G3BP2: variants seen among roughly 807,000 people sequenced by gnomAD.
G3BP2 encodes G3BP stress granule assembly factor 2.
A neutral mutation model predicts 56.7 loss-of-function variants in G3BP2; 11 were observed. The observed-to-expected ratio is 0.19, with a 90% CI of 0.12 to 0.32. The LOEUF is 0.32. Ranked by LOEUF, G3BP2 falls within the 10% of genes least tolerant of loss-of-function variation. The pLI, the probability that G3BP2 is intolerant of heterozygous loss-of-function variation, is 1.00. For missense variants in G3BP2, 340 were observed against 610.9 expected, an observed-to-expected ratio of 0.56 and a Z score of 4.67; for synonymous variants, 165 against 191.6, an observed-to-expected ratio of 0.86 and a Z score of 1.15.
intron 3 of G3BP2, among the ~76,000 whole-genome samples, chr4:75,702,820 A>G (rs747226656): frequency 9.9e-5 from 15 of 152,216 alleles, no homozygotes; most frequent in Non-Finnish European, 2.1e-4. Context: ...AGTAAACTGC[A>G]CTATAACCAG....
intron 3 of G3BP2, among the ~76,000 whole-genome samples, chr4:75,700,081 G>A (rs543581786): frequency 2.0e-5 from 3 of 152,154 alleles, no homozygotes; most frequent in South Asian, 2.1e-4. Context: ...TTGAGGCAGA[G>A]TCTCGCTCTG....
intron 3 of G3BP2, among the ~76,000 whole-genome samples, chr4:75,692,440 T>G (rs1718898744): frequency 6.6e-6 from 1 of 152,096 alleles, no homozygotes; most frequent in South Asian, 2.1e-4. Flanking sequence ...GCCTCCTGAG[T>G]AGCTGGGACT....
intron 2 of G3BP2, among the ~76,000 whole-genome samples, chr4:75,661,106 T>A (rs17000737): frequency 0.01 from 1,537 of 152,260 alleles, 27 homozygotes; most frequent in African/African-American, 0.036. Context: ...AAATTGCATA[T>A]TGGAACCCAT....
At position 75,657,562 on chromosome 4, in the gene G3BP2, G is replaced by A; in HGVS notation, c.346C>T (p.Pro116Ser). The A allele has an allele frequency of 6.3e-7, 1 of 1,599,922 alleles. No individual in the cohort carries two copies. Among genetic ancestry groups the A allele is most frequent in the Admixed American group, 1.8e-5 (1 of 56,420 alleles). ...AAGTGAATTGAGAAACTTACTTCAGGAGCCAGAACAAAGGTTTGCATAAAC... is the reference window on the plus strand; with the variant it reads ...AAGTGAATTGAGAAACTTACTTCAGAAGCCAGAACAAAGGTTTGCATAAAC... ...RKFMQTFVLAPEGSVPNKFYV... is the reference protein window; with the variant it reads ...RKFMQTFVLASEGSVPNKFYV... The change falls in exon 4 of 12, where the codon CCT becomes TCT. Residue 116 changes from proline (P) to serine (S), a missense_variant. This residue lies in a region of G3BP2 where 224 missense variants were observed against 332.5 expected (regional missense o/e 0.67). Transcript: ENST00000359707.
chr4:75,705,680 C>G (rs987036117), intron 3 of G3BP2, among the ~76,000 whole-genome samples: 9 of 152,240 alleles, frequency 5.9e-5, no homozygotes, highest in African/African-American at 2.2e-4. Flanking sequence ...AAGGCCGTCC[C>G]TCCAGAAGTT....
At chr4:75,679,477 A>G (rs1463374071) in intron 3 of G3BP2, among the ~76,000 whole-genome samples, 2 of 152,216 alleles carry the variant, frequency 1.3e-5, no homozygotes, top group Admixed American at 6.6e-5. Context: ...AGTGTGTAAA[A>G]TATGTCTCAC....
At chr4:75,676,778 G>C (rs1418285767), upstream of G3BP2, among the ~76,000 whole-genome samples, 1 of 152,152 alleles carries the variant, frequency 6.6e-6, no homozygotes, top group Non-Finnish European at 1.5e-5. Flanking sequence ...ACAGCAGCCA[G>C]ATCTTTCATA....
At chr4:75,677,442 G>A (rs573200188), upstream of G3BP2, among the ~76,000 whole-genome samples, 8 of 152,188 alleles carry the variant, frequency 5.3e-5, no homozygotes, top group South Asian at 1.2e-3. Context: ...ATGGTGGTGC[G>A]CACCTGTAGT....
intron 3 of G3BP2, among the ~76,000 whole-genome samples, chr4:75,691,026 T>C (rs1417372846): frequency 6.6e-6 from 1 of 152,128 alleles, no homozygotes; most frequent in African/African-American, 2.4e-5. Flanking sequence ...TTTATTCCCC[T>C]GACTCCCAGA....
chr4:75,672,002 T>A (rs907908414), intron 1 of G3BP2, among the ~76,000 whole-genome samples: 1 of 152,226 alleles, frequency 6.6e-6, no homozygotes, highest in African/African-American at 2.4e-5. Context: ...CAGTTAATGT[T>A]TCCTAGATCC....
At chr4:75,674,767 G>A (rs1013469060), upstream of G3BP2, among the ~76,000 whole-genome samples, 1 of 135,822 alleles carries the variant, frequency 7.4e-6, no homozygotes, top group Non-Finnish European at 1.5e-5. Context: ...GTGTCGCCCA[G>A]GCTGGAGTGC....
In G3BP2 at chr4:75,712,288, G is replaced by A. The variant is rs150304571; in HGVS notation, c.-25+8589C>T. Among the ~76,000 whole-genome samples the A allele has an allele frequency of 2.7e-3, 413 of 151,938 alleles. 3 individuals carry two copies. The highest frequency in any genetic ancestry group is 4.5e-3 in the Non-Finnish European group (303 of 67,964). ...CTGTGTAAATATTTTAAACTTAGCTGGGATCATTCAGTAATTTCATATCTT... is the reference window on the plus strand; with the variant it reads ...CTGTGTAAATATTTTAAACTTAGCTAGGATCATTCAGTAATTTCATATCTT... On this transcript the variant is annotated intron_variant, in intron 3 of 3. Transcript: ENST00000499709.
chr4:75,646,706 C>T (rs1200305787), intron 10 of G3BP2, among the ~76,000 whole-genome samples: 2 of 152,068 alleles, frequency 1.3e-5, no homozygotes, highest in African/African-American at 4.8e-5. Flanking sequence ...AAGTTAACTG[C>T]ATAATTTTGG....
rs1028547877 is a variant in G3BP2 at position 75,644,020 on chromosome 4, T to A, written c.*1410A>T. ...TTCAGGAGCCACTCGGGTGCTGACA[T>A]CAGTTCAAGAATTGTGCAAAATGAA... is the stretch of plus-strand genomic sequence containing the variant. On this transcript the variant is annotated 3_prime_UTR_variant, in exon 12 of 12. Coordinates refer to ENST00000359707, the MANE Select transcript of G3BP2 (RefSeq NM_203505.3). 6.6e-6 allele frequency: 1 copy of A among 152,552 alleles called. No homozygotes were observed. The highest frequency in any genetic ancestry group is 6.5e-5 in the Admixed American group (1 of 15,274). 9.4% of individuals were successfully genotyped at this position (152,552 alleles called of 1,614,324 possible).
At chr4:75,718,148 CAAATA>C (rs947077212) in intron 3 of G3BP2, among the ~76,000 whole-genome samples, 1 of 149,762 alleles carries the variant, frequency 6.7e-6, no homozygotes, top group Non-Finnish European at 1.5e-5. Context: ...AAAAAAATTA[CAAATA>C]AAATAAATAA....
At chr4:75,719,263 G>C (rs1320323143) in intron 3 of G3BP2, among the ~76,000 whole-genome samples, 1 of 148,788 alleles carries the variant, frequency 6.7e-6, no homozygotes, top group Non-Finnish European at 1.5e-5. Context: ...CAGGAGAATG[G>C]TGTGAACCCG....
At chr4:75,720,499 CTCAA>C (rs1720121924) in intron 3 of G3BP2, among the ~76,000 whole-genome samples, 1 of 108,972 alleles carries the variant, frequency 9.2e-6, no homozygotes, top group African/African-American at 4.6e-5. Context: ...GAGACTCCGT[CTCAA>C]AAAAAAAAAA....
At chr4:75,692,937 T>G (rs1299776892) in intron 3 of G3BP2, among the ~76,000 whole-genome samples, 1 of 152,208 alleles carries the variant, frequency 6.6e-6, no homozygotes, top group Non-Finnish European at 1.5e-5. Context: ...TCTGAACTGA[T>G]TGCTGGCTTT....
In G3BP2 at chr4:75,643,251, A is replaced by C. The variant is rs2148931712; in HGVS notation, c.*2179T>G. Reference sequence around the variant, plus strand: ...AACATTTGTCATTACTTTTGGTGCCAGAACAGTTTTCATGGATGGCAGGGC... The same window carrying C: ...AACATTTGTCATTACTTTTGGTGCCCGAACAGTTTTCATGGATGGCAGGGC... On this transcript the variant is annotated 3_prime_UTR_variant, in exon 12 of 12. Transcript: ENST00000359707. 6.8e-6 allele frequency: 1 copy of C among 146,228 alleles called. No homozygotes were observed. Among genetic ancestry groups the C allele is most frequent in the Non-Finnish European group, 1.5e-5 (1 of 66,308 alleles). The allele number at this position is 146,228 out of a possible 1,614,324, so 9.1% of individuals were successfully genotyped here. A position where few individuals can be genotyped will look rare whatever the true frequency, so the allele number is the denominator to read the frequency against.
Sources: allele counts gnomAD v4.1 joint callset (sites outside exome capture counted in the v4.1 genomes callset), GRCh38; gene constraint gnomAD v4.1.1; regional missense constraint gnomAD v4.1.1; transcripts MANE v1.5; gene names NCBI Gene and HGNC (gene_info 2026-07-23, HGNC 2026-07-21).